The following GPATCH8 variants were observed in gnomAD, a reference collection of about 807,000 sequenced individuals.
GPATCH8 encodes the protein G-patch domain containing 8, also known as G patch domain-containing protein 8.
In GPATCH8, 18 loss-of-function variants were observed where a neutral mutation model predicts 118.3. The ratio of observed to expected loss-of-function variants is 0.15; its 90% CI spans 0.11 to 0.23. The LOEUF (loss-of-function observed/expected upper bound fraction) is 0.23, where lower values mean the gene tolerates loss of function less well. GPATCH8 is among the 10% of genes least tolerant of loss of function. GPATCH8 has a pLI of 1.00. For synonymous variants in GPATCH8, 659 were observed against 684.7 expected (o/e 0.96, Z 0.59); for missense variants, 1,631 against 1,873.8 (o/e 0.87, Z 2.39).
In GPATCH8 at chr17:44,396,873, C is replaced by G. The variant is rs1388391705; in HGVS notation, c.*695G>C. The G allele has an allele frequency of 2.2e-6, 1 of 454,350 alleles. No homozygotes were observed. The highest frequency in any genetic ancestry group is 4.4e-6 in the Non-Finnish European group (1 of 226,776). 28.1% of individuals were successfully genotyped at this position (454,350 alleles called of 1,614,324 possible). ...ATGAGCTCCTCTCTGGGCCATACAG[C>G]TTTTATTCATGATAGGATCTTCTTT... On this transcript the variant is annotated 3_prime_UTR_variant, in exon 8 of 8. Coordinates refer to ENST00000591680, the MANE Select transcript of GPATCH8 (RefSeq NM_001002909.4).
chr17:44,478,342 C>T (rs1156530003), intron 1 of GPATCH8, among the ~76,000 whole-genome samples: 1 of 152,122 alleles, frequency 6.6e-6, no homozygotes, highest in African/African-American at 2.4e-5. Flanking sequence ...CTCTACAGGT[C>T]TATACAATTT....
In GPATCH8 at chr17:44,398,455, C is replaced by T; in HGVS notation, c.3622G>A (p.Glu1208Lys). Residue 1208 changes from glutamate (E) to lysine (K), a missense_variant, in exon 8 of 8, where the codon GAA becomes AAA. Around this residue, in one of 8 missense-constraint regions of GPATCH8, gnomAD observed 922 missense variants for 879.7 expected, o/e 1.05. Coordinates refer to ENST00000591680, the MANE Select transcript of GPATCH8 (RefSeq NM_001002909.4). ...TTGPLLDPPP[E>K]ESKSGEATAD... ...GTAGCTTCTCCAGACTTTGACTCTTCTGGGGGTGGGTCTAATAAGGGGCCA... is the reference window on the plus strand; with the variant it reads ...GTAGCTTCTCCAGACTTTGACTCTTTTGGGGGTGGGTCTAATAAGGGGCCA... 2 of 1,612,612 alleles carry T rather than the reference C, an allele frequency of 1.2e-6. No homozygotes were observed. Among genetic ancestry groups the T allele is most frequent in the South Asian group, 2.2e-5 (2 of 90,870 alleles).
chr17:44,432,349 T>G (rs1363584107), intron 5 of GPATCH8, among the ~76,000 whole-genome samples: 1 of 152,066 alleles, frequency 6.6e-6, no homozygotes, highest in East Asian at 1.9e-4. Flanking sequence ...TTCTCTTTCT[T>G]AACTAAAAAC....
intron 3 of GPATCH8, among the ~76,000 whole-genome samples, chr17:44,453,077 C>A (rs2051176153): frequency 6.6e-6 from 1 of 152,024 alleles, no homozygotes; most frequent in South Asian, 2.1e-4. Flanking sequence ...AAGCATCCAC[C>A]CACATTGGCC....
At chr17:44,489,308 T>C (rs1332533303) in intron 1 of GPATCH8, among the ~76,000 whole-genome samples, 3 of 152,024 alleles carry the variant, frequency 2.0e-5, no homozygotes, top group South Asian at 2.1e-4. Context: ...TAAGTGGTTT[T>C]CTTTTCACTC....
At chr17:44,481,171 T>C (rs1183184412) in intron 1 of GPATCH8, among the ~76,000 whole-genome samples, 1 of 152,188 alleles carries the variant, frequency 6.6e-6, no homozygotes, top group Non-Finnish European at 1.5e-5. Flanking sequence ...CCTCCCGAAG[T>C]GCTGGGATTA....
At chr17:44,441,648 C>T (rs2050692742) in intron 3 of GPATCH8, among the ~76,000 whole-genome samples, 1 of 151,820 alleles carries the variant, frequency 6.6e-6, no homozygotes, top group African/African-American at 2.4e-5. Flanking sequence ...CACTTTAACC[C>T]GGGAGGCAGA....
chr17:44,430,206 C>T (rs986216893), intron 5 of GPATCH8, among the ~76,000 whole-genome samples: 1 of 152,026 alleles, frequency 6.6e-6, no homozygotes, highest in African/African-American at 2.4e-5. Context: ...TGAGTATTAC[C>T]CTGATACAAA....
chr17:44,458,471 A>C (rs115059815), intron 3 of GPATCH8, among the ~76,000 whole-genome samples: 3 of 152,112 alleles, frequency 2.0e-5, no homozygotes, highest in African/African-American at 7.2e-5. Context: ...GATATTACAG[A>C]TATTTTCCCC....
chr17:44,494,344 C>A (rs980605708), intron 1 of GPATCH8, among the ~76,000 whole-genome samples: 2 of 152,158 alleles, frequency 1.3e-5, no homozygotes, highest in Non-Finnish European at 1.5e-5. Context: ...GTAATCCCAG[C>A]ACTTTGGGAG....
rs749756639 is a variant in GPATCH8, at chr17:44,398,007, T to G, written c.4070A>C (p.Gln1357Pro). 15 of 1,614,040 alleles carry G rather than the reference T, an allele frequency of 9.3e-6. No individual in the cohort carries two copies. The highest frequency in any genetic ancestry group is 1.3e-5 in the Non-Finnish European group (15 of 1,179,942). Residue 1357 changes from glutamine to proline, a missense_variant, in exon 8 of 8, where the codon CAA becomes CCA. Around this residue, in one of 8 missense-constraint regions of GPATCH8, gnomAD observed 111 missense variants for 112.4 expected, o/e 0.99. Coordinates refer to ENST00000591680, the MANE Select transcript of GPATCH8 (RefSeq NM_001002909.4). ...AGCTGGCTGCTGAATGTGGATGGGTTGCAGGGCTGGTGTGGCTGGGGCCAG... is the reference window on the plus strand; with the variant it reads ...AGCTGGCTGCTGAATGTGGATGGGTGGCAGGGCTGGTGTGGCTGGGGCCAG... ...AALAPATPAL[Q>P]PIHIQQPATA...
At chr17:44,459,067 G>A (rs1316870935) in intron 3 of GPATCH8, among the ~76,000 whole-genome samples, 1 of 152,146 alleles carries the variant, frequency 6.6e-6, no homozygotes, top group Non-Finnish European at 1.5e-5. Context: ...CTGAGTGACT[G>A]ATGCTCTTTC....
At chr17:44,437,316 T>A (rs1027041799) in intron 3 of GPATCH8, among the ~76,000 whole-genome samples, 9 of 152,250 alleles carry the variant, frequency 5.9e-5, no homozygotes, top group South Asian at 2.1e-4. Flanking sequence ...ATAATTTTTT[T>A]AATAAATATA....
chr17:44,402,876 G>C (rs1271726778), intron 7 of GPATCH8, among the ~76,000 whole-genome samples: 1 of 152,134 alleles, frequency 6.6e-6, no homozygotes, highest in African/African-American at 2.4e-5. Context: ...TTGACAAAAG[G>C]AACATCAAGG....
chr17:44,451,290 G>A (rs1203885017), intron 3 of GPATCH8, among the ~76,000 whole-genome samples: 2 of 152,032 alleles, frequency 1.3e-5, no homozygotes, highest in African/African-American at 2.4e-5. Context: ...AGAGGGTTTC[G>A]CCATGTTGGC....
rs764945617 is a variant in GPATCH8, at chr17:44,456,852, A to C, written c.193+7620T>G. ...CAAACAATTATATTTTTTGAATAGT[A>C]ATACAAGTACAGAACAATTTTTTTT... On this transcript the variant is annotated intron_variant, in intron 3 of 7. Coordinates refer to ENST00000591680, the MANE Select transcript of GPATCH8 (RefSeq NM_001002909.4). 2.2e-4 allele frequency among the ~76,000 whole-genome samples: 33 copies of C among 151,902 alleles called. 1 individual carries two copies. Among genetic ancestry groups the C allele is most frequent in the Admixed American group, 2.2e-3 (33 of 15,230 alleles).
rs552230394 is a variant in GPATCH8 at position 44,449,231 on chromosome 17, C to T, written c.194-12686G>A. On this transcript the variant is annotated intron_variant, in intron 3 of 7. Transcript: ENST00000591680. ...GGCAGAGGTTGCAGTGAGCCGAGAT[C>T]GCACCACTGCACTCCAGCCTGGGCA... Among the ~76,000 whole-genome samples, 93 of 152,226 alleles carry T rather than the reference C, an allele frequency of 6.1e-4. 1 individual carries two copies. The highest frequency in any genetic ancestry group is 2.1e-3 in the African/African-American group (87 of 41,542).
intron 3 of GPATCH8, among the ~76,000 whole-genome samples, chr17:44,450,918 TA>T (rs2051090045): frequency 6.6e-6 from 1 of 152,202 alleles, no homozygotes; most frequent in South Asian, 2.1e-4. Flanking sequence ...TTAATTATTA[TA>T]AAAAATTTGA....
rs530924687 is a variant in GPATCH8 at position 44,425,147 on chromosome 17, T to C, written c.349-655A>G. On this transcript the variant is annotated intron_variant, in intron 5 of 7. Coordinates refer to ENST00000591680, the MANE Select transcript of GPATCH8 (RefSeq NM_001002909.4). ...GAAAAAAGAGAAAACAATTAAAAGA[T>C]ACCTCAAAGCAAGTTGAGTATATTC... Among the ~76,000 whole-genome samples the C allele has an allele frequency of 1.4e-4, 22 of 152,270 alleles. 1 individual carries two copies. The highest frequency in any genetic ancestry group is 8.3e-4 in the South Asian group (4 of 4,820).
Sources: gnomAD v4.1 joint callset for allele counts (sites outside exome capture counted in the v4.1 genomes callset) on GRCh38, gnomAD v4.1.1 for gene constraint, gnomAD v4.1.1 regional missense constraint, MANE v1.5 for transcripts, NCBI Gene and HGNC (gene_info 2026-07-23, HGNC 2026-07-21) for gene names.